Variants in MYO5B observed in about 807,000 individuals in gnomAD.
The protein encoded by MYO5B is myosin VB, also known as unconventional myosin-Vb.
In MYO5B, 143 loss-of-function variants were observed where a neutral mutation model predicts 229.3. The observed-to-expected ratio is 0.62, with a 90% confidence interval of 0.54 to 0.72. The LOEUF (loss-of-function observed/expected upper bound fraction) is 0.72, where lower values mean the gene tolerates loss of function less well. MYO5B is among the 30% of genes least tolerant of loss of function. MYO5B has a pLI of 0.00. For missense variants in MYO5B, 2,321 were observed against 2,331.0 expected, an observed-to-expected ratio of 1.00 and a Z score of 0.09; for synonymous variants, 918 against 885.2, an observed-to-expected ratio of 1.04 and a Z score of -0.66.
intron 1 of MYO5B, among the ~76,000 whole-genome samples, chr18:50,125,063 C>T (rs575595569): frequency 2.2e-4 from 34 of 152,174 alleles, no homozygotes; most frequent in Admixed American, 7.2e-4. Context: ...CAGATGGTAC[C>T]CCTGCTGACT....
chr18:49,987,818 A>G (rs2025886859), intron 7 of MYO5B, among the ~76,000 whole-genome samples: 1 of 152,148 alleles, frequency 6.6e-6, no homozygotes, highest in Non-Finnish European at 1.5e-5. Flanking sequence ...GTACCACCAG[A>G]GATTGGTGTA....
At chr18:50,144,303 A>AAC (rs1250352123) in intron 1 of MYO5B, among the ~76,000 whole-genome samples, 1 of 152,122 alleles carries the variant, frequency 6.6e-6, no homozygotes, top group Non-Finnish European at 1.5e-5. Flanking sequence ...ATAAAGACCT[A>AAC]CCTCATCTTG....
chr18:49,917,465 ACG>A, intron 17 of MYO5B, among the ~76,000 whole-genome samples: 1 of 37,360 alleles, frequency 2.7e-5, no homozygotes, highest in Non-Finnish European at 8.4e-5. Flanking sequence ...TGTTTGTAAA[ACG>A]TTTACTCCAG....
At chr18:49,872,285 CAG>C in intron 26 of MYO5B, 53 bp from the exon 27 acceptor site, 1 of 1,582,604 alleles carries the variant, frequency 6.3e-7, no homozygotes, top group Non-Finnish European at 8.7e-7. Flanking sequence ...AGATATTCCA[CAG>C]AGGTGTTTCC....
intron 14 of MYO5B, among the ~76,000 whole-genome samples, chr18:49,949,099 A>C (rs1156303368): frequency 1.3e-5 from 2 of 152,164 alleles, no homozygotes; most frequent in African/African-American, 2.4e-5. Flanking sequence ...ATAGAGTGGA[A>C]AGATGGCACT....
Position 49,895,032 on chromosome 18 carries a change from ACCT to A in MYO5B, c.2951_2953del (p.Glu984del), listed in dbSNP as rs757039495. ...CTGCAGCTCTGTGCGCAGGCTCTCC[ACCT>A]CCTCCTGCAGCCTGAGGCTGGTGTC... On this transcript the variant is annotated inframe_deletion, in exon 22 of 40. Transcript: ENST00000285039. 2.1e-5 allele frequency: 34 copies of A among 1,613,270 alleles called. No homozygotes were observed. The highest frequency in any genetic ancestry group is 2.8e-5 in the Non-Finnish European group (33 of 1,179,900).
intron 5 of MYO5B, among the ~76,000 whole-genome samples, chr18:49,995,463 G>T (rs909081947): frequency 6.6e-6 from 1 of 151,304 alleles, no homozygotes; most frequent in Non-Finnish European, 1.5e-5. Context: ...GTTTCACCGT[G>T]TTAGCCAGGA....
In MYO5B at chr18:50,177,776, T is replaced by C. The variant is rs7236439; in HGVS notation, c.27+16991A>G. On this transcript the variant is annotated intron_variant, in intron 1 of 39. Transcript: ENST00000285039. ...CTCCTAAACTGATCTGAGGCAGGGATAGGAAGGCATGTTGAGAGACTGACA... is the reference window on the plus strand; with the variant it reads ...CTCCTAAACTGATCTGAGGCAGGGACAGGAAGGCATGTTGAGAGACTGACA... Among the ~76,000 whole-genome samples, 540 of 152,306 alleles carry C rather than the reference T, an allele frequency of 3.5e-3. 6 individuals carry two copies. Among genetic ancestry groups the C allele is most frequent in the African/African-American group, 0.012 (501 of 41,570 alleles).
intron 4 of MYO5B, among the ~76,000 whole-genome samples, chr18:50,006,516 GCCATTCTGCAGC>G (rs923687543): frequency 6.6e-6 from 1 of 152,208 alleles, no homozygotes; most frequent in African/African-American, 2.4e-5. Flanking sequence ...AAGGAACTTA[GCCATTCTGCAGC>G]TTCCAGGCAA....
intron 4 of MYO5B, among the ~76,000 whole-genome samples, chr18:50,031,212 T>G (rs967056630): frequency 2.6e-5 from 4 of 152,176 alleles, no homozygotes; most frequent in African/African-American, 9.6e-5. Flanking sequence ...GAACAGCTTC[T>G]TGGCTAATGC....
At chr18:50,087,374 T>C (rs559115899) in intron 1 of MYO5B, among the ~76,000 whole-genome samples, 1 of 151,784 alleles carries the variant, frequency 6.6e-6, no homozygotes, top group Admixed American at 6.6e-5. Flanking sequence ...ATTGAGACCA[T>C]CCTGGCTAAC....
Position 50,149,992 on chromosome 18 carries a change from A to G in MYO5B, c.27+44775T>C, listed in dbSNP as rs2144301431. ...AACTCAAACAAATTTACAAGAAAAA[A>G]ACAAACAACCCCATCAAAAAGTGGG... On this transcript the variant is annotated intron_variant, in intron 1 of 39. Coordinates refer to ENST00000285039, the MANE Select transcript of MYO5B (RefSeq NM_001080467.3). Among the ~76,000 whole-genome samples, 3 of 149,056 alleles carry G rather than the reference A, an allele frequency of 2.0e-5. No individual in the cohort carries two copies. In the Middle Eastern group the frequency reaches 0.01, roughly 507 times the overall value.
rs772501970 is a variant in MYO5B, at chr18:49,877,811, G to A, written c.3348C>T (p.Ile1116=). ...SLESDSNYPS[I]STSEIGDTED... is the part of the protein sequence containing the mutation. ...CAGTGTCTCCGATCTCAGATGTGGA[G>A]ATGGAGGGGTAATTGGAGTCAGATT... The change falls in exon 25 of 40, where the codon ATC becomes ATT. Residue 1116 remains isoleucine (I), a synonymous_variant. Transcript: ENST00000285039. 1 of 1,614,046 alleles carries A rather than the reference G, an allele frequency of 6.2e-7. No homozygotes were observed. Among genetic ancestry groups the A allele is most frequent in the South Asian group, 1.1e-5 (1 of 91,088 alleles).
chr18:50,132,226 C>T (rs2032265118), intron 1 of MYO5B, among the ~76,000 whole-genome samples: 1 of 152,178 alleles, frequency 6.6e-6, no homozygotes, highest in Non-Finnish European at 1.5e-5. Context: ...TTAGGATCCT[C>T]TGGAAATTTA....
At chr18:49,946,524 G>A (rs973142834) in intron 14 of MYO5B, 4 of 152,196 alleles carry the variant, frequency 2.6e-5, no homozygotes, top group African/African-American at 9.7e-5. Flanking sequence ...AGAATTTTAA[G>A]ATTTCAGCCC....
rs544951869 is a variant in MYO5B at position 49,870,995 on chromosome 18, C to T, written c.3603+1172G>A. On this transcript the variant is annotated intron_variant, in intron 27 of 39. Transcript: ENST00000285039. The stretch of plus-strand genomic sequence containing the variant: ...GGTCTCAAAGAGATACTTGTATATC[C>T]ATGTTCAGTACAGCATTATTCACAA... Among the ~76,000 whole-genome samples, 376 of 152,262 alleles carry T rather than the reference C, an allele frequency of 2.5e-3. 3 individuals are homozygous for T. The highest frequency in any genetic ancestry group is 6.2e-3 in the South Asian group (30 of 4,820).
intron 22 of MYO5B, among the ~76,000 whole-genome samples, chr18:49,881,500 T>A (rs1205035011): frequency 2.6e-5 from 4 of 151,302 alleles, no homozygotes; most frequent in Non-Finnish European, 5.9e-5. Context: ...CAAAGAGGAG[T>A]AAGAATTAAA....
At chr18:50,061,406 G>A (rs2030683054) in intron 1 of MYO5B, among the ~76,000 whole-genome samples, 1 of 152,114 alleles carries the variant, frequency 6.6e-6, no homozygotes, top group Admixed American at 6.6e-5. Flanking sequence ...AAATCCTGAT[G>A]GGATTTTGGA....
intron 1 of MYO5B, among the ~76,000 whole-genome samples, chr18:50,153,394 A>G (rs1430361085): frequency 6.6e-6 from 1 of 152,178 alleles, no homozygotes; most frequent in East Asian, 1.9e-4. Context: ...CGCTCCTAGT[A>G]GATGGAATCT....
Sources: gnomAD v4.1 joint callset for allele counts (sites outside exome capture counted in the v4.1 genomes callset) on GRCh38, gnomAD v4.1.1 for gene constraint, MANE v1.5 for transcripts, NCBI Gene and HGNC (gene_info 2026-07-23, HGNC 2026-07-21) for gene names.